The following CMTR1 variants were observed in gnomAD, a reference collection of about 807,000 sequenced individuals.
CMTR1 encodes cap-specific mRNA (nucleoside-2'-O-)-methyltransferase 1.
Under a neutral mutation model 107.0 loss-of-function variants are expected in CMTR1, and 39 were observed. The observed-to-expected ratio is 0.36, with a 90% CI of 0.28 to 0.48. The LOEUF is 0.48. Among genes scored for constraint, CMTR1 ranks in the 20% least tolerant of loss-of-function variants. CMTR1 has a pLI of 0.99. For synonymous variants in CMTR1, 366 were observed against 379.5 expected (o/e 0.96, Z 0.41); for missense variants, 672 against 1,064.9 (o/e 0.63, Z 5.14).
At chr6:37,466,051 A>G (rs1383672578) in intron 13 of CMTR1, among the ~76,000 whole-genome samples, 1 of 150,588 alleles carries the variant, frequency 6.6e-6, no homozygotes, top group Non-Finnish European at 1.5e-5. Context: ...TATGCAGGAA[A>G]TCATTGTTAA....
At chr6:37,465,526 T>C (rs1761489527) in intron 13 of CMTR1, among the ~76,000 whole-genome samples, 1 of 152,218 alleles carries the variant, frequency 6.6e-6, no homozygotes, top group Non-Finnish European at 1.5e-5. Flanking sequence ...GAAGTGCTTC[T>C]TCAAGTCTTT....
Position 37,465,156 on chromosome 6 carries a change from T to G in CMTR1, c.1505+2148T>G, listed in dbSNP as rs1174955178. 2.6e-5 allele frequency among the ~76,000 whole-genome samples: 4 copies of G among 151,776 alleles called. No individual in the cohort carries two copies. In the East Asian group the frequency reaches 7.8e-4, roughly 29 times the overall value. ...GGTGGCGCATGTCTGTAATCCCAGC[T>G]ACTGGGGAGGCTGAGGCAGGAGAAT... On this transcript the variant is annotated intron_variant, in intron 13 of 23. Coordinates refer to ENST00000373451, the MANE Select transcript of CMTR1 (RefSeq NM_015050.3).
Position 37,451,759 on chromosome 6 carries a change from A to G in CMTR1, c.538-47A>G, listed in dbSNP as rs781767916. Reference sequence around the variant, plus strand: ...CTAATTTCTTCATTCATCCCCGACAATTGCAGTCACACGTGGTCATTACTT... The same window carrying G: ...CTAATTTCTTCATTCATCCCCGACAGTTGCAGTCACACGTGGTCATTACTT... On this transcript the variant is annotated intron_variant, in intron 5 of 23. Coordinates refer to ENST00000373451, the MANE Select transcript of CMTR1 (RefSeq NM_015050.3). 55 of 1,407,130 alleles carry G rather than the reference A, an allele frequency of 3.9e-5. 1 individual carries two copies. Among genetic ancestry groups the G allele is most frequent in the South Asian group, 1.4e-4 (12 of 85,994 alleles). 87.2% of individuals were successfully genotyped at this position (1,407,130 alleles called of 1,614,324 possible).
At position 37,444,004 on chromosome 6, in the gene CMTR1, A is replaced by G. The variant is rs763419702; in HGVS notation, c.139A>G (p.Thr47Ala). 5 of 1,612,318 alleles carry G rather than the reference A, an allele frequency of 3.1e-6. No homozygotes were observed. Among genetic ancestry groups the G allele is most frequent in the Non-Finnish European group, 4.2e-6 (5 of 1,179,566 alleles). Residue 47 changes from threonine (T) to alanine (A), a missense_variant, in exon 3 of 24, where the codon ACT becomes GCT. Physicochemically the swap from Thr to Ala is moderately conservative, Grantham distance 58. Transcript: ENST00000373451. ...TTTTCCTTTTTCTTTTTCAGCATCT[A>G]CTACAAGCCTTAGTGGGTCTGATAG... ...SSVSHGAKAS[T>A]TSLSGSDSET...
chr6:37,445,990 G>A (rs954584276), intron 3 of CMTR1, among the ~76,000 whole-genome samples: 1 of 152,110 alleles, frequency 6.6e-6, no homozygotes, highest in Non-Finnish European at 1.5e-5. Flanking sequence ...AGACAAATTA[G>A]CAAATGTCCA....
upstream of CMTR1, among the ~76,000 whole-genome samples, chr6:37,431,990 GT>G (rs1487113358): frequency 6.6e-6 from 1 of 152,114 alleles, no homozygotes; most frequent in Non-Finnish European, 1.5e-5. Context: ...TACTTTTTTT[GT>G]ATCTTCAGTA....
intron 20 of CMTR1, 60 bp from the exon 21 acceptor site, chr6:37,477,532 C>T: frequency 6.7e-7 from 1 of 1,497,730 alleles, no homozygotes; most frequent in Non-Finnish European, 9.3e-7. Flanking sequence ...TCCCAGCTGC[C>T]TCCTGGATGA....
intron 4 of CMTR1, among the ~76,000 whole-genome samples, 160 bp from the exon 5 acceptor site, chr6:37,450,091 C>T (rs1414608952): frequency 6.6e-6 from 1 of 152,194 alleles, no homozygotes; most frequent in Non-Finnish European, 1.5e-5. Context: ...AATTCTGGCT[C>T]TCACGTCTCA....
In CMTR1 at chr6:37,479,986, C is replaced by A. The variant is rs181415210; in HGVS notation, c.2376-27C>A. On this transcript the variant is annotated intron_variant, in intron 23 of 23. Transcript: ENST00000373451. ...CTGTGCCATCTGGGTGCAGTCCTGA[C>A]CTCTTTCCCATCCCTCTCCTCCCCA... 5.8e-6 allele frequency: 9 copies of A among 1,551,952 alleles called. No homozygotes were observed. The Admixed American group carries it at 1.9e-4, about 33-fold the overall frequency.
chr6:37,480,881 CT>C lies in CMTR1; in HGVS notation c.*740del. ...GTAGAGCCATCCTAGGTGCCATCCC[CT>C]TTTGGTCCAAACATTGGGCAGCGCT... is the stretch of plus-strand genomic sequence containing the variant. On this transcript the variant is annotated 3_prime_UTR_variant, in exon 24 of 24. Coordinates refer to ENST00000373451, the MANE Select transcript of CMTR1 (RefSeq NM_015050.3). 1 of 1,196,908 alleles carries C rather than the reference CT, an allele frequency of 8.4e-7. No homozygotes were observed. Among genetic ancestry groups the C allele is most frequent in the Non-Finnish European group, 1.1e-6 (1 of 947,572 alleles). 74.1% of individuals were successfully genotyped at this position (1,196,908 alleles called of 1,614,324 possible). A position where few individuals can be genotyped will look rare whatever the true frequency, so the allele number is the denominator to read the frequency against.
intron 2 of CMTR1, among the ~76,000 whole-genome samples, chr6:37,438,377 C>T (rs542691882): frequency 1.0e-3 from 159 of 151,688 alleles, no homozygotes; most frequent in African/African-American, 3.6e-3. Context: ...AAGACCCTAT[C>T]TCAAAAAGAA....
intron 2 of CMTR1, among the ~76,000 whole-genome samples, chr6:37,437,468 A>G (rs537677474): frequency 2.1e-5 from 3 of 144,942 alleles, no homozygotes; most frequent in Admixed American, 1.5e-4. Context: ...CAGAGCTTGC[A>G]GTGAGCCGAG....
intron 2 of CMTR1, among the ~76,000 whole-genome samples, chr6:37,438,022 C>T (rs1275745920): frequency 2.0e-5 from 3 of 152,136 alleles, no homozygotes; most frequent in East Asian, 1.9e-4. Flanking sequence ...ATTACTCTTC[C>T]CCCTTCTCTG....
chr6:37,465,889 T>C (rs1167534081), intron 13 of CMTR1, among the ~76,000 whole-genome samples: 2 of 151,670 alleles, frequency 1.3e-5, no homozygotes, highest in African/African-American at 4.8e-5. Flanking sequence ...ATTAATCACT[T>C]GTCAGATATG....
In CMTR1 at chr6:37,451,807, G is replaced by C; in HGVS notation, c.539G>C (p.Arg180Thr). 1.2e-6 allele frequency: 2 copies of C among 1,612,792 alleles called. No individual in the cohort carries two copies. The highest frequency in any genetic ancestry group is 1.7e-6 in the Non-Finnish European group (2 of 1,179,064). ...EMSDWMVVGK[R>T]KMIIEDETEF... ...CTTACTGCTTTTTTCTCCCTGTAGAGAAAGATGATTATTGAAGATGAAACA... is the reference window on the plus strand; with the variant it reads ...CTTACTGCTTTTTTCTCCCTGTAGACAAAGATGATTATTGAAGATGAAACA... Residue 180 changes from arginine to threonine, a missense_variant and splice_region_variant, in exon 6 of 24, where the codon AGA becomes ACA. This residue lies in a region of CMTR1 where 583 missense variants were observed against 968.4 expected (regional missense o/e 0.60). Coordinates refer to ENST00000373451, the MANE Select transcript of CMTR1 (RefSeq NM_015050.3).
At chr6:37,473,230 G>A (rs1761665365) in intron 16 of CMTR1, among the ~76,000 whole-genome samples, 1 of 152,028 alleles carries the variant, frequency 6.6e-6, no homozygotes, top group Non-Finnish European at 1.5e-5. Context: ...CTGTACTTGG[G>A]GACTCAGTGT....
chr6:37,465,265 C>CA (rs60123298), intron 13 of CMTR1, among the ~76,000 whole-genome samples: 159 of 125,148 alleles, frequency 1.3e-3, no homozygotes, highest in Middle Eastern at 8.9e-3. Flanking sequence ...GACTCTGTCT[C>CA]AAAAAAAAAA....
intron 19 of CMTR1, 52 bp downstream of exon 19, chr6:37,475,464 G>C: frequency 6.6e-7 from 1 of 1,522,276 alleles, no homozygotes; most frequent in South Asian, 1.1e-5. Context: ...AGGGCAGCTT[G>C]GGAGGACAGC....
At chr6:37,475,854 G>A in intron 19 of CMTR1, 1 of 517,128 alleles carries the variant, frequency 1.9e-6, no homozygotes, top group South Asian at 2.0e-5. Context: ...AGTTCTAGTG[G>A]AGGTGACTGA....
Sources: gnomAD v4.1 joint callset for allele counts (sites outside exome capture counted in the v4.1 genomes callset) on GRCh38, gnomAD v4.1.1 for gene constraint, gnomAD v4.1.1 regional missense constraint, MANE v1.5 for transcripts, NCBI Gene and HGNC (gene_info 2026-07-23, HGNC 2026-07-21) for gene names.